The following CNTN3 variants were observed in gnomAD, a reference collection of about 807,000 sequenced individuals.
CNTN3 encodes contactin-3.
A neutral mutation model predicts 119.1 loss-of-function variants in CNTN3; 60 were observed. The ratio of observed to expected loss-of-function variants is 0.50; its 90% CI spans 0.41 to 0.62. The LOEUF (loss-of-function observed/expected upper bound fraction) is 0.62. Ranked by LOEUF, CNTN3 falls within the 20% of genes least tolerant of loss-of-function variation. The pLI is 0.00. For missense variants in CNTN3, 1,101 were observed against 1,242.4 expected (o/e 0.89, Z 1.71); for synonymous variants, 450 against 438.7 (o/e 1.03, Z -0.32).
chr3:74,362,307 A>G (rs1704090599), intron 10 of CNTN3, among the ~76,000 whole-genome samples: 1 of 152,188 alleles, frequency 6.6e-6, no homozygotes, highest in South Asian at 2.1e-4. Context: ...TTATTAAATG[A>G]AAGGAAAACA....
At chr3:74,479,899 T>C (rs930870589) in intron 4 of CNTN3, among the ~76,000 whole-genome samples, 1 of 152,020 alleles carries the variant, frequency 6.6e-6, no homozygotes, top group South Asian at 2.1e-4. Flanking sequence ...TTGGCCAAAA[T>C]TTTGGTTGAC....
chr3:74,433,702 T>C (rs1359325986), intron 4 of CNTN3, among the ~76,000 whole-genome samples: 1 of 152,098 alleles, frequency 6.6e-6, no homozygotes, highest in Admixed American at 6.6e-5. Context: ...AACAAACTTT[T>C]CCTTTTCCCC....
chr3:74,373,335 C>T (rs1016660901), intron 5 of CNTN3, among the ~76,000 whole-genome samples: 5 of 152,180 alleles, frequency 3.3e-5, no homozygotes, highest in African/African-American at 1.2e-4. Context: ...GCTGCTCCGG[C>T]AACCTCACTT....
chr3:74,555,780 G>A (rs977612876), intron 1 of CNTN3, among the ~76,000 whole-genome samples: 9 of 151,964 alleles, frequency 5.9e-5, no homozygotes, highest in African/African-American at 2.2e-4. Flanking sequence ...ATTTTTTATT[G>A]CATGTATTTG....
intron 1 of CNTN3, among the ~76,000 whole-genome samples, chr3:74,604,248 C>G (rs141868359): frequency 2.3e-4 from 35 of 152,176 alleles, no homozygotes; most frequent in African/African-American, 8.2e-4. Flanking sequence ...TGACAGTGGT[C>G]TAGGCAATGA....
chr3:74,380,444 T>G (rs1704585543), intron 5 of CNTN3, among the ~76,000 whole-genome samples: 1 of 152,236 alleles, frequency 6.6e-6, no homozygotes, highest in Non-Finnish European at 1.5e-5. Flanking sequence ...TAAATAACAA[T>G]TTCTTTTTCA....
intron 1 of CNTN3, among the ~76,000 whole-genome samples, chr3:74,594,295 T>TTTTTA (rs1559672245): frequency 2.1e-5 from 3 of 146,006 alleles, no homozygotes; most frequent in Middle Eastern, 3.8e-3. Context: ...TTTTTTACTT[T>TTTTTA]TTTTTTAATT....
intron 5 of CNTN3, among the ~76,000 whole-genome samples, chr3:74,405,755 T>C (rs777334387): frequency 1.3e-5 from 2 of 152,096 alleles, no homozygotes; most frequent in Non-Finnish European, 2.9e-5. Context: ...ATTGCCTATA[T>C]AGCCATTTAC....
rs571504186 is a variant in CNTN3, at chr3:74,602,822, G to A, written c.-81+11569C>T. On this transcript the variant is annotated intron_variant, in intron 1 of 22. Transcript: ENST00000263665. ...GAGAAAACTTGACATATGACCAGTC[G>A]TACCAAAGTTTTGAATACAATTGCA... 3.9e-5 allele frequency among the ~76,000 whole-genome samples: 6 copies of A among 152,164 alleles called. No homozygotes were observed. In the East Asian group the frequency reaches 5.8e-4, roughly 15 times the overall value.
In CNTN3 at chr3:74,353,680, C is replaced by T. The variant is rs541168180; in HGVS notation, c.1364+8210G>A. Among the ~76,000 whole-genome samples the T allele has an allele frequency of 1.1e-4, 17 of 152,014 alleles. No individual in the cohort carries two copies. In the East Asian group the frequency reaches 3.1e-3, roughly 28 times the overall value. The stretch of plus-strand genomic sequence containing the variant: ...CCGAGGCAGGAGAATGGCGTGAACC[C>T]GGGAGGCGGAGCTTGCAGTGAGCCG... On this transcript the variant is annotated intron_variant, in intron 11 of 22. Transcript: ENST00000263665.
intron 20 of CNTN3, among the ~76,000 whole-genome samples, chr3:74,284,954 C>G (rs965720327): frequency 6.6e-6 from 1 of 152,152 alleles, no homozygotes; most frequent in Non-Finnish European, 1.5e-5. Context: ...TTAATTTTAA[C>G]TTATTCATGC....
At position 74,581,362 on chromosome 3, in the gene CNTN3, T is replaced by G. The variant is rs565138220; in HGVS notation, c.-81+33029A>C. ...TAATGAAAAAATAGAAAATAAATGC[T>G]TAAAAACCATACTTGCATTAGCATA... On this transcript the variant is annotated intron_variant, in intron 1 of 22. Transcript: ENST00000263665. 1.7e-3 allele frequency among the ~76,000 whole-genome samples: 257 copies of G among 152,224 alleles called. 2 individuals are homozygous for G. Among genetic ancestry groups the G allele is most frequent in the Admixed American group, 2.7e-3 (42 of 15,290 alleles).
chr3:74,470,524 T>A (rs1033614136), intron 4 of CNTN3, among the ~76,000 whole-genome samples: 5 of 152,000 alleles, frequency 3.3e-5, no homozygotes, highest in African/African-American at 1.2e-4. Flanking sequence ...GCTGTCACAG[T>A]CAGACCTGGG....
chr3:74,471,174 A>G (rs999212803), intron 4 of CNTN3, among the ~76,000 whole-genome samples: 1 of 152,108 alleles, frequency 6.6e-6, no homozygotes, highest in Non-Finnish European at 1.5e-5. Flanking sequence ...GGAGGGGAAC[A>G]TCACACACCA....
At chr3:74,429,029 T>G (rs1418912041) in intron 4 of CNTN3, among the ~76,000 whole-genome samples, 1 of 152,174 alleles carries the variant, frequency 6.6e-6, no homozygotes, top group African/African-American at 2.4e-5. Context: ...CTGGGTATAA[T>G]AAGTACATAC....
At chr3:74,602,588 C>T (rs1704929192) in intron 1 of CNTN3, among the ~76,000 whole-genome samples, 1 of 151,990 alleles carries the variant, frequency 6.6e-6, no homozygotes, top group African/African-American at 2.4e-5. Context: ...CTCAGACTTC[C>T]AGTCAGATTA....
At chr3:74,521,270 G>A (rs893877103) in intron 1 of CNTN3, 78 bp from the exon 2 acceptor site, 6 of 410,516 alleles carry the variant, frequency 1.5e-5, no homozygotes, top group Admixed American at 4.5e-5. Flanking sequence ...TCTTCTTTTC[G>A]TAAAAACTGT....
intron 1 of CNTN3, among the ~76,000 whole-genome samples, chr3:74,569,129 C>T (rs575633677): frequency 4.7e-4 from 72 of 152,312 alleles, no homozygotes; most frequent in African/African-American, 1.6e-3. Flanking sequence ...CATTTTAGAG[C>T]ATCTGTATGC....
intron 13 of CNTN3, among the ~76,000 whole-genome samples, chr3:74,316,548 C>G (rs1243230337): frequency 1.3e-5 from 2 of 152,152 alleles, no homozygotes. Flanking sequence ...ATGTTCACCA[C>G]AGTATTATTC....
Sources: gnomAD v4.1 joint callset for allele counts (sites outside exome capture counted in the v4.1 genomes callset) on GRCh38, gnomAD v4.1.1 for gene constraint, MANE v1.5 for transcripts, NCBI Gene and HGNC (gene_info 2026-07-23, HGNC 2026-07-21) for gene names.